Variants in DPYSL2 observed in about 807,000 individuals in gnomAD.
DPYSL2 encodes the protein dihydropyrimidinase like 2.
Under a neutral mutation model 69.9 loss-of-function variants are expected in DPYSL2, and 13 were observed. That is an observed-to-expected ratio of 0.19 (90% CI 0.12 to 0.30). The LOEUF is 0.30. Ranked by LOEUF, DPYSL2 falls within the 10% of genes least tolerant of loss-of-function variation. The pLI is 1.00. For synonymous variants in DPYSL2, 326 were observed against 359.1 expected, an observed-to-expected ratio of 0.91 and a Z score of 1.04; for missense variants, 587 against 918.9, an observed-to-expected ratio of 0.64 and a Z score of 4.67.
In DPYSL2 at chr8:26,657,620, C is replaced by G. The variant is rs1453718820; in HGVS notation, c.*1914C>G. On this transcript the variant is annotated 3_prime_UTR_variant, in exon 14 of 14. Coordinates refer to ENST00000521913, the MANE Select transcript of DPYSL2 (RefSeq NM_001197293.3). ...TTGACTTAATATATTTGCTTTTTTTCTCACCTGCACTTAGAGGAAATTTGA... is the reference window on the plus strand; with the variant it reads ...TTGACTTAATATATTTGCTTTTTTTGTCACCTGCACTTAGAGGAAATTTGA... 2.6e-5 allele frequency: 4 copies of G among 152,362 alleles called. No homozygotes were observed. The South Asian group carries it at 6.2e-4, about 24-fold the overall frequency. The allele number at this position is 152,362 out of a possible 1,614,324, so 9.4% of individuals were successfully genotyped here. A position where few individuals can be genotyped will look rare whatever the true frequency, so the allele number is the denominator to read the frequency against.
chr8:26,644,556 C>T lies in DPYSL2; in HGVS notation c.1425+465C>T, dbSNP rs185633323. ...GAGTTCCCGGGTTTAAGCAATGCCT[C>T]GGCCTCCCAAAGTGCTGGGATTACA... On this transcript the variant is annotated intron_variant, in intron 10 of 13. Transcript: ENST00000521913. The surrounding 1 kb of genome is among the most constrained non-coding windows in gnomAD (Gnocchi z 4.5). Among the ~76,000 whole-genome samples, 409 of 152,082 alleles carry T rather than the reference C, an allele frequency of 2.7e-3. 3 individuals are homozygous for T. Among genetic ancestry groups the T allele is most frequent in the African/African-American group, 9.4e-3 (388 of 41,474 alleles).
intron 1 of DPYSL2, among the ~76,000 whole-genome samples, chr8:26,581,610 G>A (rs1801494806): frequency 6.6e-6 from 1 of 152,048 alleles, no homozygotes; most frequent in African/African-American, 2.4e-5. Flanking sequence ...CTGACCTCAG[G>A]TGATCCGCCC....
At chr8:26,611,821 G>T (rs1032578590) in intron 3 of DPYSL2, among the ~76,000 whole-genome samples, 5 of 152,204 alleles carry the variant, frequency 3.3e-5, no homozygotes, top group African/African-American at 1.2e-4. Flanking sequence ...ACAAAGCACA[G>T]CTTCTCCCTG....
rs1803318754 is a variant in DPYSL2, at chr8:26,653,377, A to G, written c.1922A>G (p.Gln641Arg). The change falls in exon 13 of 14, where the codon CAG (glutamine) becomes CGG (arginine). Residue 641 changes from glutamine to arginine, a missense_variant. Gln to Arg is a conservative substitution (Grantham distance 43, BLOSUM62 1). Transcript: ENST00000521913. This position sits in a 1 kb window ranked among gnomAD's most constrained non-coding sequence, Gnocchi z 5.7. The stretch of plus-strand genomic sequence containing the variant: ...GCCCCACCTGTCCGGAACCTGCACC[A>G]GTCTGGATTCAGTTTGTCTGGTAGG... ...QQAPPVRNLH[Q>R]SGFSLSGAQI... 1 of 1,613,790 alleles carries G rather than the reference A, an allele frequency of 6.2e-7. No homozygotes were observed. The highest frequency in any genetic ancestry group is 2.2e-5 in the East Asian group (1 of 44,846).
chr8:26,550,099 G>A lies in DPYSL2; in HGVS notation c.355-31870G>A, dbSNP rs77382489. Among the ~76,000 whole-genome samples the A allele has an allele frequency of 6.2e-3, 937 of 152,268 alleles. 9 individuals carry two copies. The highest frequency in any genetic ancestry group is 0.02 in the African/African-American group (822 of 41,562). ...AATAGAAACAACAATAATGTATTAG[G>A]TAGTTATAGCTTATGGGTAAATTAA... On this transcript the variant is annotated intron_variant, in intron 1 of 13. Transcript: ENST00000521913.
intron 3 of DPYSL2, among the ~76,000 whole-genome samples, chr8:26,592,462 G>GTTTT: frequency 1.4e-5 from 2 of 138,998 alleles, no homozygotes; most frequent in African/African-American, 2.6e-5. Context: ...TGGTACATTA[G>GTTTT]TTTTTTTTTT....
chr8:26,603,972 C>T (rs968862654), intron 3 of DPYSL2, among the ~76,000 whole-genome samples: 3 of 152,174 alleles, frequency 2.0e-5, no homozygotes, highest in African/African-American at 7.2e-5. Flanking sequence ...ATTCAAGTCC[C>T]TGCCTTCAAC....
intron 3 of DPYSL2, among the ~76,000 whole-genome samples, chr8:26,622,350 A>G (rs757159090): frequency 1.8e-4 from 28 of 152,038 alleles, no homozygotes; most frequent in Non-Finnish European, 3.5e-4. Context: ...TGTATTACAG[A>G]TACCAGATAT....
chr8:26,635,162 G>A (rs932651704), intron 8 of DPYSL2, among the ~76,000 whole-genome samples: 4 of 152,252 alleles, frequency 2.6e-5, no homozygotes, highest in Non-Finnish European at 4.4e-5. Context: ...CCCAGCCCCC[G>A]TGCAAGAGCT....
chr8:26,588,677 C>G lies in DPYSL2; in HGVS notation c.628+4694C>G, dbSNP rs1801657295. ...TGCCGCAGGGCTGGAAGGGGCCCTC[C>G]CTCCTGAGTACCAGCCTTGTCACTT... On this transcript the variant is annotated intron_variant, in intron 3 of 13. Transcript: ENST00000521913. The surrounding 1 kb of genome is among the most constrained non-coding windows in gnomAD (Gnocchi z 5.4). Among the ~76,000 whole-genome samples the G allele has an allele frequency of 6.6e-6, 1 of 152,098 alleles. No homozygotes were observed. Among genetic ancestry groups the G allele is most frequent in the South Asian group, 2.1e-4 (1 of 4,828 alleles).
intron 3 of DPYSL2, among the ~76,000 whole-genome samples, chr8:26,623,125 A>C (rs1291656354): frequency 6.6e-6 from 1 of 152,088 alleles, no homozygotes; most frequent in East Asian, 1.9e-4. Context: ...GACCTAGGAG[A>C]GATAATAGCA....
chr8:26,535,794 C>A (rs1800581993), intron 1 of DPYSL2, among the ~76,000 whole-genome samples: 1 of 151,996 alleles, frequency 6.6e-6, no homozygotes, highest in East Asian at 1.9e-4. Context: ...TATTCTGTGG[C>A]AACAACAGAA....
At position 26,654,471 on chromosome 8, in the gene DPYSL2, T is replaced by C. The variant is rs543290156; in HGVS notation, c.1942+1074T>C. 6.6e-6 allele frequency among the ~76,000 whole-genome samples: 1 copy of C among 152,284 alleles called. No individual in the cohort carries two copies. The highest frequency in any genetic ancestry group is 2.1e-4 in the South Asian group (1 of 4,812). ...ATGGGTTTTTAGAAAGTAACCTATG[T>C]CCCATATATGGATTACCAGTTTTCA... On this transcript the variant is annotated intron_variant, in intron 13 of 13. Transcript: ENST00000521913. This position sits in a 1 kb window ranked among gnomAD's most constrained non-coding sequence, Gnocchi z 5.0.
intron 3 of DPYSL2, among the ~76,000 whole-genome samples, chr8:26,595,022 C>T (rs1330165696): frequency 1.2e-4 from 16 of 132,266 alleles, no homozygotes; most frequent in Non-Finnish European, 2.4e-4. Context: ...TTGTCTCTAC[C>T]AAAATCAATC....
chr8:26,557,275 GA>G (rs1801003551), intron 1 of DPYSL2, among the ~76,000 whole-genome samples: 1 of 151,260 alleles, frequency 6.6e-6, no homozygotes, highest in South Asian at 2.1e-4. Flanking sequence ...AGACTGGGAG[GA>G]AAAAAATTGC....
intron 3 of DPYSL2, among the ~76,000 whole-genome samples, chr8:26,611,595 CCTGT>C: frequency 6.6e-6 from 1 of 152,270 alleles, no homozygotes; most frequent in Middle Eastern, 3.4e-3. Context: ...ATGCAGAATG[CCTGT>C]CTAATTACAG....
intron 1 of DPYSL2, among the ~76,000 whole-genome samples, chr8:26,575,629 T>C (rs1222506082): frequency 3.9e-5 from 6 of 152,354 alleles, no homozygotes; most frequent in African/African-American, 1.4e-4. Flanking sequence ...CTCATAGCAA[T>C]GGCTATACAA....
In DPYSL2 at chr8:26,653,500, G is replaced by A; in HGVS notation, c.1942+103G>A. 8.5e-7 allele frequency: 1 copy of A among 1,181,754 alleles called. No individual in the cohort carries two copies. The highest frequency in any genetic ancestry group is 1.2e-6 in the Non-Finnish European group (1 of 834,074). The allele number at this position is 1,181,754 out of a possible 1,614,324, so 73.2% of individuals were successfully genotyped here. On this transcript the variant is annotated intron_variant, in intron 13 of 13. Transcript: ENST00000521913. This position sits in a 1 kb window ranked among gnomAD's most constrained non-coding sequence, Gnocchi z 5.7. Reference sequence around the variant, plus strand: ...AAAGGACACAGAAATAGAAGTGAATGATATTCCCTTTCTCTCCAACGTGAG... The same window carrying A: ...AAAGGACACAGAAATAGAAGTGAATAATATTCCCTTTCTCTCCAACGTGAG...
At chr8:26,581,221 G>T (rs1280663493) in intron 1 of DPYSL2, among the ~76,000 whole-genome samples, 4 of 152,122 alleles carry the variant, frequency 2.6e-5, no homozygotes, top group Non-Finnish European at 5.9e-5. Context: ...TATTTGTGTG[G>T]TATATCCCGT....
Sources: allele counts gnomAD v4.1 joint callset (sites outside exome capture counted in the v4.1 genomes callset), GRCh38; gene constraint gnomAD v4.1.1; non-coding constraint Gnocchi (gnomAD v3.1); transcripts MANE v1.5; gene names NCBI Gene and HGNC (gene_info 2026-07-23, HGNC 2026-07-21).